GRM7: variants seen among roughly 807,000 people sequenced by gnomAD.
GRM7 encodes metabotropic glutamate receptor 7.
Under a neutral mutation model 84.5 loss-of-function variants are expected in GRM7, and 35 were observed. The observed-to-expected ratio is 0.41, with a 90% CI of 0.32 to 0.55. The LOEUF (loss-of-function observed/expected upper bound fraction) is 0.55. GRM7 is among the 20% of genes least tolerant of loss of function. GRM7 has a pLI of 0.19. For synonymous variants in GRM7, 487 were observed against 455.1 expected, an observed-to-expected ratio of 1.07 and a Z score of -0.89; for missense variants, 1,003 against 1,194.6, an observed-to-expected ratio of 0.84 and a Z score of 2.36.
chr3:7,035,595 T>C (rs1696358575), intron 1 of GRM7, among the ~76,000 whole-genome samples: 1 of 152,216 alleles, frequency 6.6e-6, no homozygotes, highest in Admixed American at 6.5e-5. Context: ...ATAATAATGA[T>C]CTGCCTTCCG....
chr3:7,298,464 G>A (rs1225661320), intron 2 of GRM7: 3 of 473,346 alleles, frequency 6.3e-6, no homozygotes, highest in African/African-American at 5.9e-5. Context: ...ATTTGTACGT[G>A]TACTATAAAG....
intron 1 of GRM7, among the ~76,000 whole-genome samples, chr3:7,070,784 A>T (rs1297195121): frequency 1.3e-5 from 2 of 152,092 alleles, no homozygotes; most frequent in African/African-American, 2.4e-5. Context: ...GGGGTGGAAG[A>T]ACTGAGAACT....
intron 4 of GRM7, among the ~76,000 whole-genome samples, chr3:7,388,549 T>G (rs1169314230): frequency 6.6e-6 from 1 of 152,116 alleles, no homozygotes; most frequent in Non-Finnish European, 1.5e-5. Context: ...TCATAGAATT[T>G]GGCTATGAAT....
At chr3:7,244,501 A>G (rs1697682661) in intron 2 of GRM7, among the ~76,000 whole-genome samples, 1 of 151,890 alleles carries the variant, frequency 6.6e-6, no homozygotes, top group Admixed American at 6.6e-5. Context: ...GCAACTGTCC[A>G]TTTTTTTTGA....
At chr3:7,013,730 C>T (rs1212856172) in intron 1 of GRM7, among the ~76,000 whole-genome samples, 1 of 152,034 alleles carries the variant, frequency 6.6e-6, no homozygotes, top group Non-Finnish European at 1.5e-5. Flanking sequence ...TTCTTCCAGT[C>T]TAGGCTGAGC....
chr3:7,491,372 C>T (rs1008493367), intron 7 of GRM7, among the ~76,000 whole-genome samples: 2 of 150,894 alleles, frequency 1.3e-5, no homozygotes, highest in Middle Eastern at 3.2e-3. Context: ...TCTTATAGTT[C>T]TATTTGCATA....
intron 6 of GRM7, among the ~76,000 whole-genome samples, chr3:7,455,062 G>A (rs1228793420): frequency 6.6e-6 from 1 of 152,092 alleles, no homozygotes; most frequent in African/African-American, 2.4e-5. Flanking sequence ...AACTGAAGTG[G>A]TCATGTTGAA....
intron 9 of GRM7, among the ~76,000 whole-genome samples, chr3:7,697,901 G>A (rs144001509): frequency 2.6e-4 from 39 of 152,306 alleles, no homozygotes; most frequent in African/African-American, 8.2e-4. Context: ...TAAAGACACT[G>A]CAAATGCCCA....
intron 2 of GRM7, among the ~76,000 whole-genome samples, chr3:7,281,298 A>T (rs558789717): frequency 3.9e-5 from 6 of 152,308 alleles, no homozygotes; most frequent in African/African-American, 1.4e-4. Context: ...CAGTGCTAAA[A>T]CAGGTATTTT....
intron 1 of GRM7, among the ~76,000 whole-genome samples, chr3:6,880,788 A>C (rs539572779): frequency 1.3e-5 from 2 of 152,314 alleles, no homozygotes; most frequent in African/African-American, 4.8e-5. Flanking sequence ...CAAACTGAAA[A>C]AGGAGATGGC....
chr3:6,893,089 C>T (rs983889210), intron 1 of GRM7: 4 of 152,050 alleles, frequency 2.6e-5, no homozygotes, highest in African/African-American at 9.7e-5. Flanking sequence ...ATTTTTTAAT[C>T]TCCACTATGA....
chr3:6,984,160 G>A (rs1694311240), intron 1 of GRM7, among the ~76,000 whole-genome samples: 1 of 152,122 alleles, frequency 6.6e-6, no homozygotes, highest in African/African-American at 2.4e-5. Flanking sequence ...GTTAGCCCCT[G>A]CTAAAATACA....
chr3:7,145,374 G>C (rs557029446), intron 1 of GRM7, among the ~76,000 whole-genome samples: 1 of 152,274 alleles, frequency 6.6e-6, no homozygotes, highest in Admixed American at 6.5e-5. Flanking sequence ...GGGAACAAAT[G>C]TTACGGTGCT....
chr3:7,661,119 T>C lies in GRM7; in HGVS notation c.2452-18930T>C, dbSNP rs578127133. On this transcript the variant is annotated intron_variant, in intron 8 of 9. Coordinates refer to ENST00000357716, the MANE Select transcript of GRM7 (RefSeq NM_000844.4). Reference sequence around the variant, plus strand: ...ACAGATTAACTGGACTTCATCGAAATTAGAAACTTCTGTTTTTCAAAAGAT... The same window carrying C: ...ACAGATTAACTGGACTTCATCGAAACTAGAAACTTCTGTTTTTCAAAAGAT... Among the ~76,000 whole-genome samples, 12 of 152,306 alleles carry C rather than the reference T, an allele frequency of 7.9e-5. No homozygotes were observed. In the South Asian group the frequency reaches 2.5e-3, roughly 32 times the overall value.
chr3:7,148,763 G>T (rs903315404), intron 2 of GRM7, among the ~76,000 whole-genome samples: 1 of 152,060 alleles, frequency 6.6e-6, no homozygotes, highest in Admixed American at 6.6e-5. Context: ...ACATTGAAAA[G>T]CCCCAGCTAA....
At chr3:7,447,158 C>T (rs1483144539) in intron 5 of GRM7, among the ~76,000 whole-genome samples, 1 of 152,116 alleles carries the variant, frequency 6.6e-6, no homozygotes, top group Non-Finnish European at 1.5e-5. Flanking sequence ...ATCTAAACCG[C>T]AGACTCTTTC....
Position 7,578,869 on chromosome 3 carries a change from T to C in GRM7, c.1963T>C (p.Cys655Arg). The C allele has an allele frequency of 6.2e-7, 1 of 1,614,134 alleles. No homozygotes were observed. The highest frequency in any genetic ancestry group is 8.5e-7 in the Non-Finnish European group (1 of 1,180,012). Reference sequence around the variant, plus strand: ...GATTGCCAAACCAGATGTGGCAGTGTGTTCTTTCCGGCGAGTTTTCTTGGG... The same window carrying C: ...GATTGCCAAACCAGATGTGGCAGTGCGTTCTTTCCGGCGAGTTTTCTTGGG... ...LMIAKPDVAV[C>R]SFRRVFLGLG... Residue 655 changes from cysteine (C) to arginine (R), a missense_variant, in exon 8 of 10, where the codon TGT becomes CGT. By Grantham distance (180) the Cys-to-Arg change is radical (BLOSUM62 -3). This residue lies in a region of GRM7 where 910 missense variants were observed against 1,126.0 expected (regional missense o/e 0.81). Coordinates refer to ENST00000357716, the MANE Select transcript of GRM7 (RefSeq NM_000844.4).
At chr3:6,958,099 A>G (rs879299505) in intron 1 of GRM7, among the ~76,000 whole-genome samples, 35 of 150,198 alleles carry the variant, frequency 2.3e-4, no homozygotes, top group Admixed American at 5.3e-4. Context: ...GTGTGTGTAT[A>G]TATATATACC....
intron 8 of GRM7, among the ~76,000 whole-genome samples, chr3:7,664,680 T>C (rs1009911438): frequency 6.6e-6 from 1 of 152,212 alleles, no homozygotes; most frequent in Non-Finnish European, 1.5e-5. Flanking sequence ...CTTCTATTTT[T>C]ATTCCATCTT....
Sources: gnomAD v4.1 joint callset for allele counts (sites outside exome capture counted in the v4.1 genomes callset) on GRCh38, gnomAD v4.1.1 for gene constraint, gnomAD v4.1.1 regional missense constraint, MANE v1.5 for transcripts, NCBI Gene and HGNC (gene_info 2026-07-23, HGNC 2026-07-21) for gene names.